The following MATN2 variants were observed in gnomAD, a reference collection of about 807,000 sequenced individuals.
The protein encoded by MATN2 is matrilin 2, also known as matrilin-2.
A neutral mutation model predicts 103.2 loss-of-function variants in MATN2; 69 were observed. The observed-to-expected ratio is 0.67, with a 90% CI of 0.55 to 0.82. The LOEUF is 0.82. Ranked by LOEUF, MATN2 falls within the 40% of genes least tolerant of loss-of-function variation. The pLI is 0.00. For synonymous variants in MATN2, 429 were observed against 450.2 expected, an observed-to-expected ratio of 0.95 and a Z score of 0.60; for missense variants, 1,023 against 1,211.5, an observed-to-expected ratio of 0.84 and a Z score of 2.31.
intron 2 of MATN2, among the ~76,000 whole-genome samples, chr8:97,909,827 C>T (rs549939373): frequency 5.3e-5 from 8 of 151,808 alleles, no homozygotes; most frequent in Admixed American, 1.3e-4. Context: ...TCTGTCGCCC[C>T]GGCTGGAGTA....
At chr8:97,975,047 A>G (rs1485459088) in intron 5 of MATN2, among the ~76,000 whole-genome samples, 1 of 152,200 alleles carries the variant, frequency 6.6e-6, no homozygotes, top group Non-Finnish European at 1.5e-5. Flanking sequence ...CATCTCAGTC[A>G]ATGGAAAAAG....
chr8:97,954,495 T>C, intron 4 of MATN2, among the ~76,000 whole-genome samples: 1 of 152,178 alleles, frequency 6.6e-6, no homozygotes, highest in East Asian at 1.9e-4. Context: ...ATTTCCATGG[T>C]GTAAATACTC....
chr8:97,896,068 C>CT (rs1333666073), intron 2 of MATN2, among the ~76,000 whole-genome samples: 3 of 152,194 alleles, frequency 2.0e-5, no homozygotes, highest in African/African-American at 7.2e-5. Context: ...TTTGGAGGTG[C>CT]TGCTGCAGCC....
intron 10 of MATN2, among the ~76,000 whole-genome samples, chr8:98,016,094 T>C (rs1005815787): frequency 1.3e-5 from 2 of 152,216 alleles, no homozygotes; most frequent in African/African-American, 4.8e-5. Flanking sequence ...TTATATTGTT[T>C]GATTTTTATG....
chr8:97,968,635 T>C (rs1365552395), intron 5 of MATN2, among the ~76,000 whole-genome samples: 1 of 152,258 alleles, frequency 6.6e-6, no homozygotes, highest in African/African-American at 2.4e-5. Context: ...AGGCATAGAA[T>C]TGGTGACCTT....
chr8:97,961,263 TCTA>T (rs2130257166), intron 4 of MATN2, 142 bp from the exon 5 acceptor site: 1 of 749,420 alleles, frequency 1.3e-6, no homozygotes, highest in East Asian at 3.0e-5. Flanking sequence ...TTCCAAATTT[TCTA>T]CTATGATCAC....
intron 4 of MATN2, among the ~76,000 whole-genome samples, chr8:97,945,775 G>A (rs1184242946): frequency 1.3e-5 from 2 of 150,478 alleles, no homozygotes; most frequent in Non-Finnish European, 3.0e-5. Flanking sequence ...TGTGTGGAGA[G>A]GGAAAGCAGA....
At chr8:97,889,737 A>G (rs1818568574) in intron 2 of MATN2, among the ~76,000 whole-genome samples, 1 of 151,838 alleles carries the variant, frequency 6.6e-6, no homozygotes, top group South Asian at 2.1e-4. Flanking sequence ...GCCACTACGC[A>G]TGGCCAAGAT....
intron 6 of MATN2, among the ~76,000 whole-genome samples, chr8:97,992,928 C>CATTAAT (rs1554612523): frequency 2.8e-5 from 4 of 144,592 alleles, no homozygotes; most frequent in Non-Finnish European, 4.5e-5. Flanking sequence ...TCAAAACAAA[C>CATTAAT]AATAATAATA....
chr8:97,917,164 A>T (rs998635360), intron 2 of MATN2, among the ~76,000 whole-genome samples: 1 of 152,148 alleles, frequency 6.6e-6, no homozygotes, highest in African/African-American at 2.4e-5. Flanking sequence ...TAAAACAACA[A>T]CAAAATCTTA....
intron 7 of MATN2, among the ~76,000 whole-genome samples, chr8:97,998,280 G>A (rs1168473123): frequency 1.3e-5 from 2 of 150,832 alleles, no homozygotes; most frequent in African/African-American, 4.8e-5. Context: ...CAGCACTTTG[G>A]GAGGCCGAGG....
Position 98,005,740 on chromosome 8 carries a change from G to A in MATN2, c.1328-1365G>A, listed in dbSNP as rs1812945263. Among the ~76,000 whole-genome samples, 1 of 152,190 alleles carries A rather than the reference G, an allele frequency of 6.6e-6. No individual in the cohort carries two copies. Among genetic ancestry groups the A allele is most frequent in the Non-Finnish European group, 1.5e-5 (1 of 68,042 alleles). ...AGGCAATGCCCTGAGCACTTCCCAT[G>A]CATAAACTCCCTGCATCCTCACAGC... is the stretch of plus-strand genomic sequence containing the variant. On this transcript the variant is annotated intron_variant, in intron 8 of 18. Transcript: ENST00000254898. This position sits in a 1 kb window ranked among gnomAD's most constrained non-coding sequence, Gnocchi z 4.6.
intron 10 of MATN2, among the ~76,000 whole-genome samples, chr8:98,008,233 T>TAA (rs35203972): frequency 0.13 from 19,954 of 148,532 alleles, 1,450 homozygotes; most frequent in Admixed American, 0.21. Flanking sequence ...TTGTCTCAAT[T>TAA]AAAAAAAAAA....
At chr8:97,997,560 T>C (rs1812626452) in intron 7 of MATN2, among the ~76,000 whole-genome samples, 1 of 152,202 alleles carries the variant, frequency 6.6e-6, no homozygotes, top group Non-Finnish European at 1.5e-5. Context: ...AGTCCTGTCA[T>C]CTGACCTCAC....
chr8:97,878,413 C>T (rs1818149087), intron 1 of MATN2, among the ~76,000 whole-genome samples: 1 of 151,646 alleles, frequency 6.6e-6, no homozygotes, highest in African/African-American at 2.4e-5. Flanking sequence ...AATACAAAAA[C>T]GTGGGGGTAC....
intron 13 of MATN2, among the ~76,000 whole-genome samples, chr8:98,023,875 G>A (rs1813690247): frequency 6.6e-6 from 1 of 152,068 alleles, no homozygotes; most frequent in Non-Finnish European, 1.5e-5. Flanking sequence ...AAGAAATGAG[G>A]TCATGTCCTT....
In MATN2 at chr8:98,025,096, C is replaced by A. The variant is rs112371654; in HGVS notation, c.1943-2320C>A. On this transcript the variant is annotated intron_variant, in intron 13 of 18. Coordinates refer to ENST00000254898, the MANE Select transcript of MATN2 (RefSeq NM_002380.5). ...ATTTTTGAAATCTGCTGAAGAGCCA[C>A]ATGCATGCTGCCTGAGTCTTTTTTT... The A allele has an allele frequency of 1.2e-3, 188 of 152,348 alleles. 1 individual carries two copies. The highest frequency in any genetic ancestry group is 4.4e-3 in the African/African-American group (181 of 41,580). 9.4% of individuals were successfully genotyped at this position (152,348 alleles called of 1,614,324 possible). A position where few individuals can be genotyped will look rare whatever the true frequency, so the allele number is the denominator to read the frequency against.
At chr8:97,893,548 C>G (rs1034863770) in intron 2 of MATN2, among the ~76,000 whole-genome samples, 1 of 147,628 alleles carries the variant, frequency 6.8e-6, no homozygotes, top group Admixed American at 6.8e-5. Context: ...CTTGCCCAAA[C>G]TCCCAGAGTA....
At chr8:98,000,596 C>CAAAAA (rs67682756) in intron 7 of MATN2, among the ~76,000 whole-genome samples, 3 of 49,634 alleles carry the variant, frequency 6.0e-5, no homozygotes, top group South Asian at 1.0e-3. Context: ...GACTCCGTCT[C>CAAAAA]AAAAAAAAAA....
Sources: allele counts gnomAD v4.1 joint callset (sites outside exome capture counted in the v4.1 genomes callset), GRCh38; gene constraint gnomAD v4.1.1; non-coding constraint Gnocchi (gnomAD v3.1); transcripts MANE v1.5; gene names NCBI Gene and HGNC (gene_info 2026-07-23, HGNC 2026-07-21).